MATK: variants seen among roughly 807,000 people sequenced by gnomAD.
MATK encodes the protein megakaryocyte-associated tyrosine-protein kinase.
Under a neutral mutation model 59.8 loss-of-function variants are expected in MATK, and 41 were observed. That is an observed-to-expected ratio of 0.69 (90% confidence interval 0.53 to 0.89). The LOEUF (loss-of-function observed/expected upper bound fraction) is 0.89. Ranked by LOEUF, MATK falls within the 40% of genes least tolerant of loss-of-function variation. MATK has a pLI of 0.00. For synonymous variants in MATK, 308 were observed against 306.1 expected (o/e 1.01, Z -0.06); for missense variants, 593 against 719.6 (o/e 0.82, Z 2.01).
chr19:3,788,017 C>T (rs541453194), upstream of MATK, among the ~76,000 whole-genome samples: 6 of 150,606 alleles, frequency 4.0e-5, no homozygotes, highest in South Asian at 4.2e-4. Context: ...CCTGCCTCAG[C>T]CTCCTGAGTA....
chr19:3,799,075 G>T (rs776617084), intron 1 of MATK, among the ~76,000 whole-genome samples: 3 of 151,986 alleles, frequency 2.0e-5, no homozygotes, highest in Non-Finnish European at 4.4e-5. Flanking sequence ...AAAGTGCTGG[G>T]ATTACAAGCA....
In MATK at chr19:3,797,991, A is replaced by G. The variant is rs539626839; in HGVS notation, c.-58+3541T>C. On this transcript the variant is annotated intron_variant, in intron 1 of 13. Transcript: ENST00000395045. Reference sequence around the variant, plus strand: ...TGGGAGGTGAAGTTTGCAGTGAGCCAAGAACACATCACTGTACTCCAGCCT... The same window carrying G: ...TGGGAGGTGAAGTTTGCAGTGAGCCGAGAACACATCACTGTACTCCAGCCT... Among the ~76,000 whole-genome samples the G allele has an allele frequency of 4.6e-5, 7 of 152,238 alleles. No individual in the cohort carries two copies. The East Asian group carries it at 1.2e-3, about 25-fold the overall frequency.
At chr19:3,788,040 C>A (rs906584849), upstream of MATK, among the ~76,000 whole-genome samples, 1 of 149,630 alleles carries the variant, frequency 6.7e-6, no homozygotes, top group East Asian at 1.9e-4. Context: ...TGGGACTACA[C>A]GTGCACACCA....
intron 1 of MATK, among the ~76,000 whole-genome samples, chr19:3,800,015 G>T (rs559467395): frequency 6.6e-6 from 1 of 151,920 alleles, no homozygotes; most frequent in African/African-American, 2.4e-5. Flanking sequence ...GGTTGCAGGC[G>T]CCTGTAGTCC....
intron 1 of MATK, among the ~76,000 whole-genome samples, chr19:3,797,299 A>T (rs1336921997): frequency 2.5e-5 from 3 of 120,584 alleles, no homozygotes; most frequent in African/African-American, 6.5e-5. Context: ...TTGACTATTA[A>T]TTTTTTTTTT....
In MATK at chr19:3,778,545, C is replaced by A. The variant is rs2037351966; in HGVS notation, c.1248G>T (p.Glu416Asp). The change falls in exon 13 of 14, where the codon GAG becomes GAT. Residue 416 changes from glutamate (E) to aspartate (D), a missense_variant. Coordinates refer to ENST00000310132, the MANE Select transcript of MATK (RefSeq NM_139355.3). ...DVWSFGVLLW[E>D]VFSYGRAPYP... ...ACGGAGCCCGTCCATATGAGAAGAC[C>A]TCCCAGAGCAGCACCCCAAAACTCC... 1.2e-6 allele frequency: 2 copies of A among 1,613,912 alleles called. No homozygotes were observed. The highest frequency in any genetic ancestry group is 1.7e-6 in the Non-Finnish European group (2 of 1,179,970).
In MATK at chr19:3,779,802, G is replaced by T; in HGVS notation, c.743-5C>A. ...GGTACTCACCCTGCAGGACAGCTGG[G>T]GGGTGGGGGTGGGGAACGGGGTGAG... On this transcript the variant is annotated splice_polypyrimidine_tract_variant and splice_region_variant and intron_variant, in intron 8 of 13. Transcript: ENST00000310132. The T allele has an allele frequency of 6.4e-7, 1 of 1,566,894 alleles. No individual in the cohort carries two copies. Among genetic ancestry groups the T allele is most frequent in the Non-Finnish European group, 8.8e-7 (1 of 1,138,226 alleles).
At chr19:3,786,403 C>T (rs868355728), upstream of MATK, 1 of 980,310 alleles carries the variant, frequency 1.0e-6, no homozygotes, top group Non-Finnish European at 1.2e-6. The surrounding 1 kb of genome is among the most constrained non-coding windows in gnomAD (Gnocchi z 4.1). Flanking sequence ...CGCGCGCCGC[C>T]GCCGCCGCCG....
At position 3,781,668 on chromosome 19, in the gene MATK, G is replaced by C. The variant is rs1190969007; in HGVS notation, c.681C>G (p.Gly227=). The part of the protein sequence containing the change: ...KSAEEELARA[G]WLLNLQHLTL... ...TCAAATGCTGCAGGTTCAGTAACCA[G>C]CCCGCTGTGGAGTGAAGACCCAGTC... Residue 227 remains glycine, a synonymous_variant, in exon 8 of 14, where the codon GGC becomes GGG. Coordinates refer to ENST00000310132, the MANE Select transcript of MATK (RefSeq NM_139355.3). 6.2e-7 allele frequency: 1 copy of C among 1,613,234 alleles called. No homozygotes were observed. The highest frequency in any genetic ancestry group is 8.5e-7 in the Non-Finnish European group (1 of 1,179,888).
chr19:3,786,091 ACCCCCG>A lies in MATK; in HGVS notation c.-152+72_-152+77del, dbSNP rs964499358. On this transcript the variant is annotated intron_variant, in intron 1 of 13. Transcript: ENST00000310132. The surrounding 1 kb of genome is among the most constrained non-coding windows in gnomAD (Gnocchi z 4.1). ...CCCTTCCTGCGCACGTCCCGGGCCCACCCCCGCCTAGAGCCCTCGGGGTTTCCCCCC... is the reference window on the plus strand; with the variant it reads ...CCCTTCCTGCGCACGTCCCGGGCCCACCTAGAGCCCTCGGGGTTTCCCCCC... The A allele has an allele frequency of 1.0e-5, 6 of 601,184 alleles. No homozygotes were observed. The highest frequency in any genetic ancestry group is 2.0e-5 in the African/African-American group (1 of 48,948). The allele number at this position is 601,184 out of a possible 1,614,324, so 37.2% of individuals were successfully genotyped here.
At chr19:3,780,018 C>T (rs1231789720) in intron 8 of MATK, among the ~76,000 whole-genome samples, 6 of 152,316 alleles carry the variant, frequency 3.9e-5, no homozygotes, top group South Asian at 2.1e-4. Flanking sequence ...CGGTGGCTCA[C>T]GCCTGTAATC....
At chr19:3,792,280 T>C (rs1047968958) in intron 1 of MATK, among the ~76,000 whole-genome samples, 6 of 152,114 alleles carry the variant, frequency 3.9e-5, no homozygotes, top group Non-Finnish European at 7.3e-5. Context: ...ACAAATACTG[T>C]TGGAAATCAT....
At chr19:3,784,537 G>A (rs8102708) in intron 3 of MATK, 86 bp from the exon 4 acceptor site, 282,377 of 900,330 alleles carry the variant, frequency 0.31, 45,703 homozygotes, top group Admixed American at 0.45. Context: ...GAGGACAGGA[G>A]GGAGAAAGGT....
Position 3,786,153 on chromosome 19 carries a change from C to T in MATK, c.-152+16G>A, listed in dbSNP as rs2037480823. 1 of 970,692 alleles carries T rather than the reference C, an allele frequency of 1.0e-6. No homozygotes were observed. The highest frequency in any genetic ancestry group is 1.2e-6 in the Non-Finnish European group (1 of 816,648). 60.1% of individuals were successfully genotyped at this position (970,692 alleles called of 1,614,324 possible). On this transcript the variant is annotated intron_variant, in intron 1 of 13. Transcript: ENST00000310132. The surrounding 1 kb of genome is among the most constrained non-coding windows in gnomAD (Gnocchi z 4.1). ...GGCCTCGGGGTCTCTCCACGTCTCCCCGCCGACGTGCTCACCTGCTCAGGG... is the reference window on the plus strand; with the variant it reads ...GGCCTCGGGGTCTCTCCACGTCTCCTCGCCGACGTGCTCACCTGCTCAGGG...
chr19:3,778,418 A>T lies in MATK; in HGVS notation c.1289T>A (p.Leu430Gln). 6.2e-7 allele frequency: 1 copy of T among 1,613,100 alleles called. No homozygotes were observed. The highest frequency in any genetic ancestry group is 8.5e-7 in the Non-Finnish European group (1 of 1,179,872). Residue 430 changes from leucine (L) to glutamine (Q), a missense_variant, in exon 14 of 14, where the codon CTG becomes CAG. Leu to Gln is a moderately radical substitution (Grantham distance 113, BLOSUM62 -2). Transcript: ENST00000310132. ...CTCCACGGCCTCCGACACCTCTTTC[A>T]GTGACTGCGGACAGCAGGCGTGGGC... ...YGRAPYPKMS[L>Q]KEVSEAVEKG... is the part of the protein sequence containing the mutation.
In MATK at chr19:3,783,849, C is replaced by T. The variant is rs1445200122; in HGVS notation, c.547G>A (p.Ala183Thr). Residue 183 changes from alanine (A) to threonine (T), a missense_variant, in exon 6 of 14, where the codon GCC becomes ACC. Ala to Thr is a moderately conservative substitution (Grantham distance 58, BLOSUM62 0). Transcript: ENST00000310132. ...HRDGHLTIDE[A>T]VFFCNLMDMV... ...TCCATGAGGTTGCAGAAGAACACGG[C>T]CTCATCGATTGTGAGGTGGCCGTCG... 1.9e-6 allele frequency: 3 copies of T among 1,612,972 alleles called. No homozygotes were observed. Among genetic ancestry groups the T allele is most frequent in the South Asian group, 2.2e-5 (2 of 91,034 alleles).
intron 1 of MATK, among the ~76,000 whole-genome samples, chr19:3,798,742 C>T (rs941933025): frequency 2.6e-5 from 4 of 151,352 alleles, no homozygotes; most frequent in African/African-American, 9.7e-5. Context: ...GAACTCCTGA[C>T]CTCAGGTGAT....
chr19:3,779,665 T>G (rs1374253653), intron 9 of MATK, 33 bp downstream of exon 9: 1 of 1,606,160 alleles, frequency 6.2e-7, no homozygotes, highest in African/African-American at 1.4e-5. Flanking sequence ...ACCCCCCCCG[T>G]CCCACGGTCC....
At chr19:3,789,055 C>T (rs1304956251), upstream of MATK, among the ~76,000 whole-genome samples, 1 of 152,068 alleles carries the variant, frequency 6.6e-6, no homozygotes, top group African/African-American at 2.4e-5. Context: ...GGGAGGATGC[C>T]CGTGTCTACA....
Sources: allele counts gnomAD v4.1 joint callset (sites outside exome capture counted in the v4.1 genomes callset), GRCh38; gene constraint gnomAD v4.1.1; non-coding constraint Gnocchi (gnomAD v3.1); transcripts MANE v1.5; gene names NCBI Gene and HGNC (gene_info 2026-07-23, HGNC 2026-07-21).